The following DNAL1 variants were observed in gnomAD, a reference collection of about 807,000 sequenced individuals.
DNAL1 encodes the protein chromosome 14 open reading frame 168.
DNAL1 carries 17 observed loss-of-function variants against 29.4 expected under a neutral mutation model. The ratio of observed to expected loss-of-function variants is 0.58; its 90% CI spans 0.40 to 0.87. The LOEUF (loss-of-function observed/expected upper bound fraction) is 0.87. Ranked by LOEUF, DNAL1 falls within the 40% of genes least tolerant of loss-of-function variation. The pLI, the probability that DNAL1 is intolerant of heterozygous loss-of-function variation, is 0.00. For missense variants in DNAL1, 188 were observed against 214.1 expected (o/e 0.88, Z 0.76); for synonymous variants, 78 against 76.3 (o/e 1.02, Z -0.12).
chr14:73,657,853 C>T (rs1891252117), intron 2 of DNAL1, among the ~76,000 whole-genome samples: 1 of 152,238 alleles, frequency 6.6e-6, no homozygotes, highest in Non-Finnish European at 1.5e-5. Flanking sequence ...CCTCGGCCTC[C>T]CGAAGTGCTG....
At chr14:73,676,179 A>G (rs1891727398) in intron 5 of DNAL1, among the ~76,000 whole-genome samples, 1 of 151,692 alleles carries the variant, frequency 6.6e-6, no homozygotes, top group African/African-American at 2.4e-5. Flanking sequence ...GTTTGCAGTG[A>G]GTCGAGATCA....
chr14:73,693,344 G>T (rs1337184603), intron 7 of DNAL1, among the ~76,000 whole-genome samples: 1 of 152,176 alleles, frequency 6.6e-6, no homozygotes, highest in Non-Finnish European at 1.5e-5. Context: ...AGAAAAGGGT[G>T]TGAATGTTTA....
Position 73,697,787 on chromosome 14 carries a change from C to G in DNAL1, c.*1845C>G, listed in dbSNP as rs529252026. ...AAAAGAGGAAAACTTGGTCTAACAC[C>G]CTTTTAGTTTTCTTTTCTCTCTTCT... is the stretch of plus-strand genomic sequence containing the variant. On this transcript the variant is annotated 3_prime_UTR_variant, in exon 8 of 8. Transcript: ENST00000553645. The G allele has an allele frequency of 2.0e-5, 3 of 151,268 alleles. No homozygotes were observed. Among genetic ancestry groups the G allele is most frequent in the African/African-American group, 7.3e-5 (3 of 41,220 alleles). 9.4% of individuals were successfully genotyped at this position (151,268 alleles called of 1,614,324 possible). A position where few individuals can be genotyped will look rare whatever the true frequency, so the allele number is the denominator to read the frequency against.
chr14:73,663,319 C>T (rs768518560), intron 4 of DNAL1, among the ~76,000 whole-genome samples: 1 of 150,650 alleles, frequency 6.6e-6, no homozygotes, highest in Non-Finnish European at 1.5e-5. Context: ...AATTCTCTTG[C>T]CTCAGTCTCC....
At position 73,702,566 on chromosome 14, in the gene DNAL1, G is replaced by A. The variant is rs531388004; in HGVS notation, c.*6624G>A. On this transcript the variant is annotated 3_prime_UTR_variant, in exon 8 of 8. Coordinates refer to ENST00000553645, the MANE Select transcript of DNAL1 (RefSeq NM_031427.4). ...GGCTTCTGGAAAGAGTGCTTCCAGGGACAGCAAGTTACTACTGCACTTGAC... is the reference window on the plus strand; with the variant it reads ...GGCTTCTGGAAAGAGTGCTTCCAGGAACAGCAAGTTACTACTGCACTTGAC... 6.6e-6 allele frequency: 1 copy of A among 151,978 alleles called. No individual in the cohort carries two copies. Among genetic ancestry groups the A allele is most frequent in the South Asian group, 2.1e-4 (1 of 4,804 alleles). The allele number at this position is 151,978 out of a possible 1,614,324, so 9.4% of individuals were successfully genotyped here. A position where few individuals can be genotyped will look rare whatever the true frequency, so the allele number is the denominator to read the frequency against.
chr14:73,659,010 T>C (rs879441623), intron 3 of DNAL1, 54 bp downstream of exon 3: 6 of 1,239,524 alleles, frequency 4.8e-6, no homozygotes, highest in Non-Finnish European at 6.5e-6. Flanking sequence ...CTTTCTTTTC[T>C]TAAACACACA....
chr14:73,687,344 T>A lies in DNAL1; in HGVS notation c.350T>A (p.Leu117Ter), dbSNP rs535885451. 6.2e-7 allele frequency: 1 copy of A among 1,611,772 alleles called. No individual in the cohort carries two copies. The highest frequency in any genetic ancestry group is 1.1e-5 in the South Asian group (1 of 90,522). Reference sequence around the variant, plus strand: ...AAAGGGATCCACATAATGAAGAAATTGAAGATTCTCTACATGTCTAATAAC... The same window carrying A: ...AAAGGGATCCACATAATGAAGAAATAGAAGATTCTCTACATGTCTAATAAC... Reference protein sequence around the residue: ...KLKGIHIMKKLKILYMSNNLV... With the variant: ...KLKGIHIMKK Residue 117 changes from leucine (L) to a stop codon, truncating the protein, a stop_gained, in exon 6 of 8, where the codon TTG (leucine) becomes TAG (stop). Coordinates refer to ENST00000553645, the MANE Select transcript of DNAL1 (RefSeq NM_031427.4). LOFTEE classifies it high-confidence loss of function.
intron 5 of DNAL1, among the ~76,000 whole-genome samples, chr14:73,675,011 T>C (rs1300022766): frequency 6.7e-6 from 1 of 149,816 alleles, no homozygotes; most frequent in East Asian, 2.0e-4. Flanking sequence ...AGTAGGGGTC[T>C]CGCCATGTTG....
At chr14:73,686,690 A>C (rs1892026145) in intron 5 of DNAL1, among the ~76,000 whole-genome samples, 1 of 152,222 alleles carries the variant, frequency 6.6e-6, no homozygotes, top group South Asian at 2.1e-4. Context: ...TCTGGGTGAC[A>C]GAGTGAGACC....
chr14:73,672,055 A>G (rs1159359618), intron 5 of DNAL1, among the ~76,000 whole-genome samples: 1 of 152,158 alleles, frequency 6.6e-6, no homozygotes, highest in South Asian at 2.1e-4. Flanking sequence ...CAATAAATCT[A>G]GCTTGTGCTT....
At position 73,699,689 on chromosome 14, in the gene DNAL1, C is replaced by G. The variant is rs1321047734; in HGVS notation, c.*3747C>G. Reference sequence around the variant, plus strand: ...TCTCTTTTTTGAAGCAGGGTCTCAACTTTTATTTCTAAGCATTCTTGCTTA... The same window carrying G: ...TCTCTTTTTTGAAGCAGGGTCTCAAGTTTTATTTCTAAGCATTCTTGCTTA... On this transcript the variant is annotated 3_prime_UTR_variant, in exon 8 of 8. Coordinates refer to ENST00000553645, the MANE Select transcript of DNAL1 (RefSeq NM_031427.4). The G allele has an allele frequency of 6.6e-6, 1 of 152,144 alleles. No homozygotes were observed. Among genetic ancestry groups the G allele is most frequent in the African/African-American group, 2.4e-5 (1 of 41,448 alleles). 9.4% of individuals were successfully genotyped at this position (152,144 alleles called of 1,614,324 possible). A position where few individuals can be genotyped will look rare whatever the true frequency, so the allele number is the denominator to read the frequency against.
chr14:73,656,565 A>C (rs996916473), intron 2 of DNAL1, among the ~76,000 whole-genome samples: 1 of 151,784 alleles, frequency 6.6e-6, no homozygotes, highest in African/African-American at 2.4e-5. Context: ...ACAGGTGTGC[A>C]TCATCACCAC....
At chr14:73,650,513 G>A (rs1891090406) in intron 1 of DNAL1, among the ~76,000 whole-genome samples, 1 of 152,136 alleles carries the variant, frequency 6.6e-6, no homozygotes, top group South Asian at 2.1e-4. Context: ...AACACATAGA[G>A]GAATGCTTGG....
intron 7 of DNAL1, among the ~76,000 whole-genome samples, chr14:73,690,928 TTC>T (rs926438465): frequency 1.1e-4 from 17 of 152,308 alleles, no homozygotes; most frequent in African/African-American, 3.4e-4. Flanking sequence ...AATTGTGGTA[TTC>T]TCTCTGTTTC....
intron 6 of DNAL1, among the ~76,000 whole-genome samples, chr14:73,688,666 G>C (rs1386501641): frequency 6.6e-6 from 1 of 152,136 alleles, no homozygotes; most frequent in Non-Finnish European, 1.5e-5. Context: ...CTGCAATACA[G>C]ATTTGAATGT....
At chr14:73,660,411 T>A (rs1345114194) in intron 3 of DNAL1, among the ~76,000 whole-genome samples, 2 of 152,226 alleles carry the variant, frequency 1.3e-5, no homozygotes, top group East Asian at 3.8e-4. Context: ...GGCTATAGTA[T>A]ACCATAGAAT....
At chr14:73,654,908 C>T in intron 2 of DNAL1, 23 bp downstream of exon 2, 2 of 1,536,472 alleles carry the variant, frequency 1.3e-6, no homozygotes, top group Admixed American at 2.1e-5. Flanking sequence ...GTTTTTCCTT[C>T]TTTTAGAAAC....
At chr14:73,680,095 C>T (rs1363490952) in intron 5 of DNAL1, among the ~76,000 whole-genome samples, 1 of 152,054 alleles carries the variant, frequency 6.6e-6, no homozygotes, top group Non-Finnish European at 1.5e-5. Flanking sequence ...CAAGAAAAAT[C>T]CTCTCTCCTT....
chr14:73,685,574 C>T (rs1892003028), intron 5 of DNAL1, among the ~76,000 whole-genome samples: 1 of 151,698 alleles, frequency 6.6e-6, no homozygotes, highest in African/African-American at 2.4e-5. Flanking sequence ...ATTCTTCTGC[C>T]TCAGCCGCCA....
Sources: gnomAD v4.1 joint callset for allele counts (sites outside exome capture counted in the v4.1 genomes callset) on GRCh38, gnomAD v4.1.1 for gene constraint, MANE v1.5 for transcripts, NCBI Gene and HGNC (gene_info 2026-07-23, HGNC 2026-07-21) for gene names.